PCDHGA7: variants seen among roughly 807,000 people sequenced by gnomAD.
PCDHGA7 encodes the protein protocadherin gamma subfamily A, 7.
Under a neutral mutation model 58.3 loss-of-function variants are expected in PCDHGA7, and 44 were observed. That is an observed-to-expected ratio of 0.75 (90% CI 0.59 to 0.97). The LOEUF (loss-of-function observed/expected upper bound fraction) is 0.97, where lower values mean the gene tolerates loss of function less well. PCDHGA7 is among the 50% of genes least tolerant of loss of function. The pLI is 0.00. For synonymous variants in PCDHGA7, 516 were observed against 504.2 expected, an observed-to-expected ratio of 1.02 and a Z score of -0.31; for missense variants, 1,266 against 1,188.7, an observed-to-expected ratio of 1.06 and a Z score of -0.96.
At chr5:141,498,967 GGGAGGGAAGGAAGGAAGGAA>G (rs1464205074) in intron 2 of PCDHGA7, among the ~76,000 whole-genome samples, 5 of 129,584 alleles carry the variant, frequency 3.9e-5, no homozygotes, top group African/African-American at 1.6e-4. Flanking sequence ...GAGGGAGGGA[GGGAGGGAAGGAAGGAAGGAA>G]GGAAGGAAGG....
At chr5:141,443,330 C>A (rs1005631067) in intron 1 of PCDHGA7, among the ~76,000 whole-genome samples, 44 of 139,282 alleles carry the variant, frequency 3.2e-4, no homozygotes, top group African/African-American at 4.5e-4. Flanking sequence ...AAAAAAAAAA[C>A]AAAAATTAAC....
chr5:141,384,170 C>A lies in PCDHGA7; in HGVS notation c.1271C>A (p.Ala424Asp). The A allele has an allele frequency of 6.2e-7, 1 of 1,613,736 alleles. No individual in the cohort carries two copies. Among genetic ancestry groups the A allele is most frequent in the Non-Finnish European group, 8.5e-7 (1 of 1,179,822 alleles). The change falls in exon 1 of 4, where the codon GCC (alanine) becomes GAC (aspartate). Residue 424 changes from alanine to aspartate, a missense_variant. Physicochemically the swap from Ala to Asp is moderately radical, Grantham distance 126. Coordinates refer to ENST00000518325, the MANE Select transcript of PCDHGA7 (RefSeq NM_018920.4). ...TLSLYNITLK[A>D]TDGGTPPLSR... ...TCTTTGTATAACATCACACTGAAAG[C>A]CACAGATGGTGGAACTCCTCCCTTG...
chr5:141,477,600 T>A lies in PCDHGA7; in HGVS notation c.2425-17207T>A, dbSNP rs746047124. The A allele has an allele frequency of 6.2e-6, 10 of 1,614,146 alleles. No homozygotes were observed. The highest frequency in any genetic ancestry group is 7.6e-6 in the Non-Finnish European group (9 of 1,180,026). ...CCGCAGAATGCTCGGCTTTCTTTCT[T>A]TCTCTTGGAGCAAGGAGCTGAAACC... On this transcript the variant is annotated intron_variant, in intron 1 of 3. Coordinates refer to ENST00000518325, the MANE Select transcript of PCDHGA7 (RefSeq NM_018920.4). This position sits in a 1 kb window ranked among gnomAD's most constrained non-coding sequence, Gnocchi z 4.9.
At chr5:141,421,370 A>G (rs765775416) in intron 1 of PCDHGA7, 4 of 1,613,916 alleles carry the variant, frequency 2.5e-6, no homozygotes, top group African/African-American at 1.3e-5. Flanking sequence ...TTCGTGGGCA[A>G]TATCTCCAAG....
chr5:141,437,444 G>A (rs957088733), intron 1 of PCDHGA7, among the ~76,000 whole-genome samples: 26 of 152,212 alleles, frequency 1.7e-4, no homozygotes, highest in Admixed American at 2.0e-4. Context: ...GCATAGGAAT[G>A]TTGAGGAGAC....
intron 1 of PCDHGA7, chr5:141,417,692 C>A: frequency 9.2e-7 from 1 of 1,089,116 alleles, no homozygotes; most frequent in Non-Finnish European, 1.3e-6. Context: ...AAAAGAAAAC[C>A]AGCTCCCACA....
chr5:141,419,644 CG>C (rs1418985518), intron 1 of PCDHGA7: 2 of 1,612,396 alleles, frequency 1.2e-6, no homozygotes, highest in Non-Finnish European at 1.7e-6. Flanking sequence ...TGGCCGTGGA[CG>C]CGGACTCGGG....
chr5:141,460,987 A>G (rs201722325), intron 1 of PCDHGA7, among the ~76,000 whole-genome samples: 34 of 92,988 alleles, frequency 3.7e-4, no homozygotes, highest in Middle Eastern at 5.0e-3. Flanking sequence ...GTGTGTGTAT[A>G]TATATATATG....
chr5:141,420,846 T>C (rs2096528755), intron 1 of PCDHGA7, among the ~76,000 whole-genome samples: 1 of 152,252 alleles, frequency 6.6e-6, no homozygotes, highest in Non-Finnish European at 1.5e-5. Context: ...GTGTTCTTGG[T>C]AAAGTTTTAA....
chr5:141,413,081 C>A, intron 1 of PCDHGA7: 2 of 1,339,424 alleles, frequency 1.5e-6, no homozygotes, highest in Non-Finnish European at 2.0e-6. Context: ...GCCCAGGCTA[C>A]AGAGACACCC....
intron 1 of PCDHGA7, among the ~76,000 whole-genome samples, chr5:141,460,577 TGTG>T (rs2098992364): frequency 6.6e-6 from 1 of 152,094 alleles, no homozygotes; most frequent in African/African-American, 2.4e-5. Context: ...CATATGTAGG[TGTG>T]GGTTTTTTCT....
chr5:141,428,367 G>C, intron 1 of PCDHGA7: 1 of 546,792 alleles, frequency 1.8e-6, no homozygotes, highest in South Asian at 1.9e-5. Context: ...CGGTCGCCTT[G>C]CACCTGCGAT....
chr5:141,500,144 C>T (rs2099796717), intron 2 of PCDHGA7, among the ~76,000 whole-genome samples: 1 of 151,426 alleles, frequency 6.6e-6, no homozygotes, highest in South Asian at 2.1e-4. Context: ...CTAAACTTTT[C>T]TTTGTGTAAT....
chr5:141,421,102 T>G, intron 1 of PCDHGA7: 1 of 691,404 alleles, frequency 1.4e-6, no homozygotes, highest in Non-Finnish European at 2.4e-6. Flanking sequence ...CACTGGAGAC[T>G]TAGAAGTATT....
chr5:141,492,873 C>G (rs2099744714), intron 1 of PCDHGA7, among the ~76,000 whole-genome samples: 1 of 152,182 alleles, frequency 6.6e-6, no homozygotes, highest in Non-Finnish European at 1.5e-5. Context: ...CTCTCAACCC[C>G]CAGAGATACA....
At position 141,487,892 on chromosome 5, in the gene PCDHGA7, T is replaced by C; in HGVS notation, c.2425-6915T>C. The C allele has an allele frequency of 2.7e-6, 2 of 731,410 alleles. No individual in the cohort carries two copies. The highest frequency in any genetic ancestry group is 4.4e-6 in the Non-Finnish European group (2 of 450,094). 45.3% of individuals were successfully genotyped at this position (731,410 alleles called of 1,614,324 possible). On this transcript the variant is annotated intron_variant, in intron 1 of 3. Coordinates refer to ENST00000518325, the MANE Select transcript of PCDHGA7 (RefSeq NM_018920.4). This position sits in a 1 kb window ranked among gnomAD's most constrained non-coding sequence, Gnocchi z 5.0. ...GAGCCAGGCTGTTGTGGAAGCATGA[T>C]GATGGAATGTGGGAGCACAGGAGGC...
chr5:141,512,395 C>T lies in PCDHGA7; in HGVS notation c.*1222C>T, dbSNP rs1229077213. ...ACCAAATGAACAGAAAGTCTCAGCCCAGGATGGGGCTTCTTCAACAGGGCC... is the reference window on the plus strand; with the variant it reads ...ACCAAATGAACAGAAAGTCTCAGCCTAGGATGGGGCTTCTTCAACAGGGCC... On this transcript the variant is annotated 3_prime_UTR_variant, in exon 4 of 4. Coordinates refer to ENST00000518325, the MANE Select transcript of PCDHGA7 (RefSeq NM_018920.4). 1 of 152,690 alleles carries T rather than the reference C, an allele frequency of 6.5e-6. No individual in the cohort carries two copies. Among genetic ancestry groups the T allele is most frequent in the Non-Finnish European group, 1.5e-5 (1 of 68,072 alleles). The allele number at this position is 152,690 out of a possible 1,614,324, so 9.5% of individuals were successfully genotyped here.
At chr5:141,403,552 G>T (rs1228068556) in intron 1 of PCDHGA7, 5 of 1,613,892 alleles carry the variant, frequency 3.1e-6, no homozygotes, top group Non-Finnish European at 4.2e-6. Context: ...AGCGCGCCCT[G>T]GACAGGGAGG....
At chr5:141,407,615 A>T (rs780052436) in intron 1 of PCDHGA7, among the ~76,000 whole-genome samples, 2 of 152,140 alleles carry the variant, frequency 1.3e-5, no homozygotes, top group Non-Finnish European at 2.9e-5. Context: ...GCATTGGTTG[A>T]CATTCTATAT....
Sources: allele counts gnomAD v4.1 joint callset (sites outside exome capture counted in the v4.1 genomes callset), GRCh38; gene constraint gnomAD v4.1.1; non-coding constraint Gnocchi (gnomAD v3.1); transcripts MANE v1.5; gene names NCBI Gene and HGNC (gene_info 2026-07-23, HGNC 2026-07-21).